The following CARMIL3 variants were observed in gnomAD, a reference collection of about 807,000 sequenced individuals.
CARMIL3 encodes the protein capping protein, Arp2/3 and myosin-I linker protein 3.
Under a neutral mutation model 180.8 loss-of-function variants are expected in CARMIL3, and 88 were observed. That is an observed-to-expected ratio of 0.49 (90% CI 0.41 to 0.58). The LOEUF (loss-of-function observed/expected upper bound fraction) is 0.58. CARMIL3 is among the 20% of genes least tolerant of loss of function. CARMIL3 has a pLI of 0.00. For missense variants in CARMIL3, 1,548 were observed against 1,787.0 expected, an observed-to-expected ratio of 0.87 and a Z score of 2.41; for synonymous variants, 696 against 714.5, an observed-to-expected ratio of 0.97 and a Z score of 0.41.
In CARMIL3 at chr14:24,068,785, G is replaced by A. The variant is rs753359641; in HGVS notation, c.3802-1G>A. The A allele has an allele frequency of 1.9e-6, 3 of 1,614,036 alleles. No homozygotes were observed. In the South Asian group the frequency reaches 3.3e-5, roughly 18 times the overall value. On this transcript the variant is annotated splice_acceptor_variant, in intron 37 of 39. Transcript: ENST00000342740. LOFTEE classifies it high-confidence loss of function. ...ACCCAGCATCTTCCTTCCTCTGCCA[G>A]CTACAGGACCCCGCTCTAGCTCCAT...
chr14:24,054,865 G>T lies in CARMIL3; in HGVS notation c.460+57G>T, dbSNP rs1484812066. 1 of 1,557,160 alleles carries T rather than the reference G, an allele frequency of 6.4e-7. No homozygotes were observed. Among genetic ancestry groups the T allele is most frequent in the Non-Finnish European group, 8.8e-7 (1 of 1,133,182 alleles). ...GCTCCACCATCTTGCCCCATGATCAGAGCCCTTTGTGCACAGGGTGTTGCC... is the reference window on the plus strand; with the variant it reads ...GCTCCACCATCTTGCCCCATGATCATAGCCCTTTGTGCACAGGGTGTTGCC... On this transcript the variant is annotated intron_variant, in intron 6 of 39. Coordinates refer to ENST00000342740, the MANE Select transcript of CARMIL3 (RefSeq NM_138360.4). This position sits in a 1 kb window ranked among gnomAD's most constrained non-coding sequence, Gnocchi z 5.1.
Position 24,059,022 on chromosome 14 carries a change from C to G in CARMIL3, c.1571+36C>G, listed in dbSNP as rs1022658960. On this transcript the variant is annotated intron_variant, in intron 19 of 39. Coordinates refer to ENST00000342740, the MANE Select transcript of CARMIL3 (RefSeq NM_138360.4). This position sits in a 1 kb window ranked among gnomAD's most constrained non-coding sequence, Gnocchi z 6.3. ...CTTTCCATGCCCACAGACCCTCATCCCATCATTCACCCATCCTCTTGGCTC... is the reference window on the plus strand; with the variant it reads ...CTTTCCATGCCCACAGACCCTCATCGCATCATTCACCCATCCTCTTGGCTC... 1 of 1,609,854 alleles carries G rather than the reference C, an allele frequency of 6.2e-7. No homozygotes were observed. Among genetic ancestry groups the G allele is most frequent in the Non-Finnish European group, 8.5e-7 (1 of 1,177,602 alleles).
Position 24,060,029 on chromosome 14 carries a change from G to C in CARMIL3, c.1928G>C (p.Ser643Thr). Residue 643 changes from serine to threonine, a missense_variant, in exon 23 of 40, where the codon AGC (serine) becomes ACC (threonine). Transcript: ENST00000342740. Reference protein sequence around the residue: ...PVSDISQAYRSAPERTEDVWQ... With the variant: ...PVSDISQAYRTAPERTEDVWQ... Reference sequence around the variant, plus strand: ...AGCGACATCTCCCAAGCCTATCGCAGCGCGCCTGAGCGCACCGAGGACGTC... The same window carrying C: ...AGCGACATCTCCCAAGCCTATCGCACCGCGCCTGAGCGCACCGAGGACGTC... 6.2e-7 allele frequency: 1 copy of C among 1,613,960 alleles called. No homozygotes were observed. Among genetic ancestry groups the C allele is most frequent in the Non-Finnish European group, 8.5e-7 (1 of 1,180,028 alleles).
rs867524999 is a variant in CARMIL3, at chr14:24,065,164, AC to A, written c.3293del (p.Pro1098GlnfsTer130). The A allele has an allele frequency of 1.6e-6, 2 of 1,254,676 alleles. No individual in the cohort carries two copies. The highest frequency in any genetic ancestry group is 3.0e-5 in the Admixed American group (1 of 33,354). The allele number at this position is 1,254,676 out of a possible 1,614,324, so 77.7% of individuals were successfully genotyped here. ...ACTCAGGAGAGCCCCCCTAGCCCAG[AC>A]CCCCCAAGCCTCGGCAATAACTCCT... Reference protein sequence around the residue: ...PPTQESPPSPDPPSLGNNSSP... With the variant: ...PPTQESPPSPXPPSLGNNSSP... On this transcript the variant is annotated frameshift_variant, in exon 33 of 40. Coordinates refer to ENST00000342740, the MANE Select transcript of CARMIL3 (RefSeq NM_138360.4). LOFTEE classifies it high-confidence loss of function.
chr14:24,061,897 G>A lies in CARMIL3; in HGVS notation c.2480+225G>A. 1.8e-6 allele frequency: 1 copy of A among 552,388 alleles called. No individual in the cohort carries two copies. The highest frequency in any genetic ancestry group is 3.3e-5 in the Admixed American group (1 of 29,938). 34.2% of individuals were successfully genotyped at this position (552,388 alleles called of 1,614,324 possible). A position where few individuals can be genotyped will look rare whatever the true frequency, so the allele number is the denominator to read the frequency against. On this transcript the variant is annotated intron_variant, in intron 27 of 39. Coordinates refer to ENST00000342740, the MANE Select transcript of CARMIL3 (RefSeq NM_138360.4). The surrounding 1 kb of genome is among the most constrained non-coding windows in gnomAD (Gnocchi z 4.1). The stretch of plus-strand genomic sequence containing the variant: ...AGGAGCCAAGTTTGTGCCCACACAG[G>A]TGTACACACACATACCCACACAAAT...
chr14:24,060,499 G>A, intron 24 of CARMIL3, 129 bp from the exon 25 acceptor site: 2 of 1,399,864 alleles, frequency 1.4e-6, no homozygotes, highest in Middle Eastern at 2.6e-4. Context: ...GTAGCAATGG[G>A]GACCAGGCCA....
chr14:24,066,624 C>T lies in CARMIL3; in HGVS notation c.3650C>T (p.Ala1217Val), dbSNP rs765271863. 8.7e-6 allele frequency: 14 copies of T among 1,614,122 alleles called. No individual in the cohort carries two copies. The highest frequency in any genetic ancestry group is 1.1e-5 in the South Asian group (1 of 91,094). Residue 1217 changes from alanine to valine, a missense_variant, in exon 36 of 40, where the codon GCC (alanine) becomes GTC (valine). Around this residue, in one of 4 missense-constraint regions of CARMIL3, gnomAD observed 668 missense variants for 687.8 expected, o/e 0.97. Transcript: ENST00000342740. ...CAAAGCACCAAACCAAGCTTCAGCG[C>T]CATGCGCAGAGCAGAGGCCACATGG... ...PPQSTKPSFSAMRRAEATWHI... is the reference protein window; with the variant it reads ...PPQSTKPSFSVMRRAEATWHI...
Position 24,063,502 on chromosome 14 carries a change from G to T in CARMIL3, c.2948G>T (p.Arg983Met). ...ACACAAGGGAGGCCCCGCCCCCCCA[G>T]GACCACACCTCCAGGACCTGGTCGA... ...HQTQGRPRPPRTTPPGPGRPS... is the reference protein window; with the variant it reads ...HQTQGRPRPPMTTPPGPGRPS... The change falls in exon 31 of 40, where the codon AGG becomes ATG. Residue 983 changes from arginine to methionine, a missense_variant. Around this residue, in one of 4 missense-constraint regions of CARMIL3, gnomAD observed 668 missense variants for 687.8 expected, o/e 0.97. Transcript: ENST00000342740. 6.2e-7 allele frequency: 1 copy of T among 1,613,154 alleles called. No individual in the cohort carries two copies. The highest frequency in any genetic ancestry group is 8.5e-7 in the Non-Finnish European group (1 of 1,179,918).
intron 27 of CARMIL3, chr14:24,062,094 C>G (rs905672935): frequency 1.7e-5 from 6 of 346,082 alleles, no homozygotes; most frequent in Non-Finnish European, 3.2e-5. Context: ...GTACACATAC[C>G]TATGAAACAG....
At position 24,058,639 on chromosome 14, in the gene CARMIL3, A is replaced by C. The variant is rs1594549625; in HGVS notation, c.1393-41A>C. The C allele has an allele frequency of 1.3e-6, 2 of 1,575,856 alleles. No homozygotes were observed. Among genetic ancestry groups the C allele is most frequent in the African/African-American group, 1.3e-5 (1 of 74,078 alleles). On this transcript the variant is annotated intron_variant, in intron 17 of 39. Transcript: ENST00000342740. This position sits in a 1 kb window ranked among gnomAD's most constrained non-coding sequence, Gnocchi z 6.4. Reference sequence around the variant, plus strand: ...TAAGCATTAAAGGTGCCCTACCCCCACCCCAACCCCTGCCTTCCCTACCTC... The same window carrying C: ...TAAGCATTAAAGGTGCCCTACCCCCCCCCCAACCCCTGCCTTCCCTACCTC...
In CARMIL3 at chr14:24,054,290, A is replaced by C. The variant is rs1389862433; in HGVS notation, c.235A>C (p.Ser79Arg). The stretch of plus-strand genomic sequence containing the variant: ...GGAGATCCGTGCCTTCAACACGCTC[A>C]GTCAGAATCAGGTGAGTACCAGGGC... ...VLEIRAFNTLSQNQILVETER... is the reference protein window; with the variant it reads ...VLEIRAFNTLRQNQILVETER... The change falls in exon 4 of 40, where the codon AGT becomes CGT. Residue 79 changes from serine to arginine, a missense_variant. Ser to Arg is a moderately radical substitution (Grantham distance 110, BLOSUM62 -1). Around this residue, in one of 4 missense-constraint regions of CARMIL3, gnomAD observed 578 missense variants for 666.5 expected, o/e 0.87. Transcript: ENST00000342740. This position sits in a 1 kb window ranked among gnomAD's most constrained non-coding sequence, Gnocchi z 5.1. The C allele has an allele frequency of 6.2e-7, 1 of 1,614,202 alleles. No individual in the cohort carries two copies. The highest frequency in any genetic ancestry group is 1.1e-5 in the South Asian group (1 of 91,088).
chr14:24,052,299 C>A, intron 1 of CARMIL3, 106 bp downstream of exon 1: 1 of 1,149,828 alleles, frequency 8.7e-7, no homozygotes, highest in Non-Finnish European at 1.2e-6. Flanking sequence ...ACCCCTCACC[C>A]CATGCATCCT....
In CARMIL3 at chr14:24,068,605, A is replaced by G. The variant is rs780961060; in HGVS notation, c.3704A>G (p.His1235Arg). Reference protein sequence around the residue: ...WHIAEESAPNHSCQSPSPASQ... With the variant: ...WHIAEESAPNRSCQSPSPASQ... The stretch of plus-strand genomic sequence containing the variant: ...CCAGCTGAAGAGAGTGCCCCCAACC[A>G]CAGCTGCCAGAGTCCCAGCCCAGCC... Residue 1235 changes from histidine (H) to arginine (R), a missense_variant, in exon 37 of 40, where the codon CAC becomes CGC. Coordinates refer to ENST00000342740, the MANE Select transcript of CARMIL3 (RefSeq NM_138360.4). The G allele has an allele frequency of 3.8e-5, 61 of 1,613,206 alleles. No individual in the cohort carries two copies. The Admixed American group carries it at 9.2e-4, about 24-fold the overall frequency.
chr14:24,063,356 G>T lies in CARMIL3; in HGVS notation c.2802G>T (p.Leu934=). Residue 934 remains leucine (L), a synonymous_variant, in exon 31 of 40, where the codon CTG becomes CTT. Transcript: ENST00000342740. ...GCCCTCAGGACATGGAAAGCCAACT[G>T]GGGAATCTGGGGATCCCCCCTGGCT... The part of the protein sequence containing the change: ...SGSPQDMESQ[L]GNLGIPPGWF... The T allele has an allele frequency of 6.2e-7, 1 of 1,607,116 alleles. No homozygotes were observed. Among genetic ancestry groups the T allele is most frequent in the South Asian group, 1.1e-5 (1 of 90,586 alleles).
rs1249070948 is a variant in CARMIL3 at position 24,060,159 on chromosome 14, C to G, written c.1965C>G (p.Ile655Met). Residue 655 changes from isoleucine to methionine, a missense_variant and splice_region_variant, in exon 24 of 40, where the codon ATC becomes ATG. By Grantham distance (10) the Ile-to-Met change is conservative (BLOSUM62 1). Coordinates refer to ENST00000342740, the MANE Select transcript of CARMIL3 (RefSeq NM_138360.4). ...PERTEDVWQK[I>M]QWCLVRNNHS... ...CCCACCAACCCCATCATCTCCAGATCCAATGGTGCTTAGTGAGGAACAACC... is the reference window on the plus strand; with the variant it reads ...CCCACCAACCCCATCATCTCCAGATGCAATGGTGCTTAGTGAGGAACAACC... The G allele has an allele frequency of 1.9e-6, 3 of 1,614,028 alleles. No individual in the cohort carries two copies. Among genetic ancestry groups the G allele is most frequent in the Non-Finnish European group, 2.5e-6 (3 of 1,180,036 alleles).
intron 24 of CARMIL3, 104 bp downstream of exon 24, chr14:24,060,359 G>A: frequency 1.5e-6 from 2 of 1,305,630 alleles, no homozygotes; most frequent in South Asian, 1.2e-5. Context: ...ACTGCATGGT[G>A]CCTATCACTG....
At position 24,060,618 on chromosome 14, in the gene CARMIL3, T is replaced by A. The variant is rs751227405; in HGVS notation, c.2062-10T>A. The A allele has an allele frequency of 6.2e-7, 1 of 1,613,190 alleles. No individual in the cohort carries two copies. Among genetic ancestry groups the A allele is most frequent in the Non-Finnish European group, 8.5e-7 (1 of 1,179,654 alleles). On this transcript the variant is annotated splice_polypyrimidine_tract_variant and intron_variant, in intron 24 of 39. Transcript: ENST00000342740. ...GGGGTCCCCTTGACACCCCTGCCACTGTGCTCCAGATGCTGCAGCGGCTGT... is the reference window on the plus strand; with the variant it reads ...GGGGTCCCCTTGACACCCCTGCCACAGTGCTCCAGATGCTGCAGCGGCTGT...
chr14:24,059,956 CCT>C lies in CARMIL3; in HGVS notation c.1869-13_1869-12del, dbSNP rs753037130. 42 of 1,613,430 alleles carry C rather than the reference CCT, an allele frequency of 2.6e-5. No homozygotes were observed. Among genetic ancestry groups the C allele is most frequent in the African/African-American group, 4.0e-5 (3 of 74,936 alleles). ...TCACCTGTTCCCACCCAGCTGTGCC[CCT>C]GTGTCCCACAGCAACCACACGCTGC... On this transcript the variant is annotated splice_polypyrimidine_tract_variant and intron_variant, in intron 22 of 39. Coordinates refer to ENST00000342740, the MANE Select transcript of CARMIL3 (RefSeq NM_138360.4). This position sits in a 1 kb window ranked among gnomAD's most constrained non-coding sequence, Gnocchi z 6.3.
chr14:24,061,443 C>A lies in CARMIL3; in HGVS notation c.2305-54C>A. 1 of 1,557,530 alleles carries A rather than the reference C, an allele frequency of 6.4e-7. No homozygotes were observed. Among genetic ancestry groups the A allele is most frequent in the Non-Finnish European group, 8.7e-7 (1 of 1,144,172 alleles). ...AGATAAAGTCTCTTCTGCTGTGGTGCCAGCCCTGATCCTGTCCCCCTTGGG... is the reference window on the plus strand; with the variant it reads ...AGATAAAGTCTCTTCTGCTGTGGTGACAGCCCTGATCCTGTCCCCCTTGGG... On this transcript the variant is annotated intron_variant, in intron 26 of 39. Transcript: ENST00000342740. This position sits in a 1 kb window ranked among gnomAD's most constrained non-coding sequence, Gnocchi z 4.1.
Sources: gnomAD v4.1 joint callset for allele counts on GRCh38, gnomAD v4.1.1 for gene constraint, gnomAD v4.1.1 regional missense constraint, Gnocchi (gnomAD v3.1) non-coding constraint, MANE v1.5 for transcripts, NCBI Gene and HGNC (gene_info 2026-07-23, HGNC 2026-07-21) for gene names.